Variants in MLLT10 observed in about 807,000 individuals in gnomAD.
The protein encoded by MLLT10 is protein AF-10.
In MLLT10, 30 loss-of-function variants were observed where a neutral mutation model predicts 129.1. That is an observed-to-expected ratio of 0.23 (90% CI 0.17 to 0.32). The LOEUF (loss-of-function observed/expected upper bound fraction) is 0.32. MLLT10 is among the 10% of genes least tolerant of loss of function. The probability of loss-of-function intolerance (pLI) is 1.00; values close to 1 mark genes in which losing one functional copy is unlikely to be tolerated. For synonymous variants in MLLT10, 490 were observed against 446.4 expected (o/e 1.10, Z -1.23); for missense variants, 1,119 against 1,268.3 (o/e 0.88, Z 1.79).
At chr10:21,601,909 A>G (rs1346809239) in intron 5 of MLLT10, among the ~76,000 whole-genome samples, 1 of 152,128 alleles carries the variant, frequency 6.6e-6, no homozygotes, top group Non-Finnish European at 1.5e-5. Flanking sequence ...GATGATAGGT[A>G]TTTAATATAA....
chr10:21,668,982 G>T, intron 9 of MLLT10: 2 of 1,365,366 alleles, frequency 1.5e-6, no homozygotes, highest in Admixed American at 2.1e-5. Flanking sequence ...ATTGGAAAAA[G>T]TATTTGAAAA....
chr10:21,549,929 G>A (rs746687442), intron 3 of MLLT10, among the ~76,000 whole-genome samples: 3 of 152,138 alleles, frequency 2.0e-5, no homozygotes, highest in Non-Finnish European at 2.9e-5. Flanking sequence ...GTGAGCCATC[G>A]CGCCTAGCTC....
intron 3 of MLLT10, among the ~76,000 whole-genome samples, chr10:21,554,297 C>T (rs1417419739): frequency 6.6e-6 from 1 of 151,906 alleles, no homozygotes; most frequent in African/African-American, 2.4e-5. Context: ...GAGGTGATTC[C>T]TCACTTTCTC....
chr10:21,646,021 A>G (rs1016973691), intron 8 of MLLT10, among the ~76,000 whole-genome samples: 3 of 152,168 alleles, frequency 2.0e-5, no homozygotes, highest in Admixed American at 1.3e-4. Context: ...CCTGGCCAAC[A>G]TGATGAAATC....
chr10:21,541,651 A>G (rs12246842), intron 3 of MLLT10, among the ~76,000 whole-genome samples: 97,409 of 151,902 alleles, frequency 0.64, 33,527 homozygotes, highest in African/African-American at 0.91. Context: ...CTCCCGAAGT[A>G]CTGGGATTAC....
At chr10:21,624,832 C>T in intron 8 of MLLT10, 1 of 1,083,038 alleles carries the variant, frequency 9.2e-7, no homozygotes, top group South Asian at 1.4e-5. Context: ...CGGCCACGGC[C>T]TCTCTGCTGT....
intron 3 of MLLT10, among the ~76,000 whole-genome samples, chr10:21,574,444 G>C (rs2040523313): frequency 6.6e-6 from 1 of 152,204 alleles, no homozygotes; most frequent in Non-Finnish European, 1.5e-5. Flanking sequence ...GACCCCAAGA[G>C]AGGGGTTCTT....
At chr10:21,628,431 CTTTTTTTTTTTT>C (rs774410121) in intron 8 of MLLT10, among the ~76,000 whole-genome samples, 10 of 116,000 alleles carry the variant, frequency 8.6e-5, no homozygotes, top group Non-Finnish European at 1.2e-4. Flanking sequence ...GATGCTCTCT[CTTTTTTTTTTTT>C]TTTTTTTTTT....
chr10:21,717,595 TTC>T (rs1444860390), intron 14 of MLLT10, among the ~76,000 whole-genome samples: 9 of 118,542 alleles, frequency 7.6e-5, no homozygotes, highest in South Asian at 3.4e-4. Context: ...CCTCTTCCTC[TTC>T]TTTCTTCCTC....
At chr10:21,601,227 T>C (rs1190469941) in intron 5 of MLLT10, among the ~76,000 whole-genome samples, 1 of 152,212 alleles carries the variant, frequency 6.6e-6, no homozygotes. Context: ...ATTACAAGCG[T>C]GAGCCACCAT....
At chr10:21,718,783 A>G (rs1450907682) in intron 14 of MLLT10, among the ~76,000 whole-genome samples, 1 of 152,226 alleles carries the variant, frequency 6.6e-6, no homozygotes, top group African/African-American at 2.4e-5. Context: ...GTGCAATGGC[A>G]CGATCTCGGC....
chr10:21,738,590 C>G lies in MLLT10; in HGVS notation c.2956-1440C>G, dbSNP rs1410278250. On this transcript the variant is annotated intron_variant, in intron 21 of 22. Transcript: ENST00000307729. ...GGATTTTTTGGAAGCCTCCGCACAG[C>G]TTCCGCTCGACACTCTTGCTTGACT... is the stretch of plus-strand genomic sequence containing the variant. 3 of 1,225,084 alleles carry G rather than the reference C, an allele frequency of 2.4e-6. No individual in the cohort carries two copies. In the Admixed American group the frequency reaches 8.7e-5, roughly 35 times the overall value. 75.9% of individuals were successfully genotyped at this position (1,225,084 alleles called of 1,614,324 possible). A position where few individuals can be genotyped will look rare whatever the true frequency, so the allele number is the denominator to read the frequency against.
intron 4 of MLLT10, 78 bp from the exon 5 acceptor site, chr10:21,595,253 G>T: frequency 1.0e-6 from 1 of 978,182 alleles, no homozygotes. Flanking sequence ...GACATTTAAG[G>T]GATCTGTTAA....
chr10:21,552,388 C>CTTTTTTTTT (rs1225893534), intron 3 of MLLT10, among the ~76,000 whole-genome samples: 2 of 112,094 alleles, frequency 1.8e-5, no homozygotes, highest in African/African-American at 3.5e-5. Flanking sequence ...CTTCTTATTG[C>CTTTTTTTTT]TTTTTTTTTT....
chr10:21,589,550 A>C (rs941340292), intron 4 of MLLT10, among the ~76,000 whole-genome samples: 1 of 151,510 alleles, frequency 6.6e-6, no homozygotes, highest in Non-Finnish European at 1.5e-5. Context: ...GTTCCATTCT[A>C]CCCTATTAGC....
chr10:21,625,613 A>C, intron 8 of MLLT10: 1 of 756,914 alleles, frequency 1.3e-6, no homozygotes. Flanking sequence ...TTGATCATAG[A>C]GAATGACGTC....
At chr10:21,603,224 T>TTTC (rs2043732135) in intron 5 of MLLT10, among the ~76,000 whole-genome samples, 1 of 149,990 alleles carries the variant, frequency 6.7e-6, no homozygotes, top group Admixed American at 6.6e-5. Flanking sequence ...GGCTAATTTT[T>TTTC]TTTTTTTTTT....
At chr10:21,593,512 C>T (rs901906570) in intron 4 of MLLT10, among the ~76,000 whole-genome samples, 2 of 152,068 alleles carry the variant, frequency 1.3e-5, no homozygotes, top group South Asian at 2.1e-4. Flanking sequence ...TATTTTAAAA[C>T]CTTTATCTGA....
intron 10 of MLLT10, 32 bp from the exon 11 acceptor site, chr10:21,673,318 C>CCCCCCCCCCT (rs1564622986): frequency 3.4e-6 from 1 of 295,856 alleles, no homozygotes; most frequent in Non-Finnish European, 5.2e-6. Flanking sequence ...CACCCCCCAA[C>CCCCCCCCCCT]TTTTTTTTTT....
Sources: allele counts gnomAD v4.1 joint callset (sites outside exome capture counted in the v4.1 genomes callset), GRCh38; gene constraint gnomAD v4.1.1; transcripts MANE v1.5; gene names NCBI Gene and HGNC (gene_info 2026-07-23, HGNC 2026-07-21).